Variants in NPSR1 observed in about 807,000 individuals in gnomAD.
NPSR1 encodes the protein neuropeptide S receptor 1.
A neutral mutation model predicts 46.9 loss-of-function variants in NPSR1; 48 were observed. The ratio of observed to expected loss-of-function variants is 1.02; its 90% CI spans 0.81 to 1.30. The LOEUF (loss-of-function observed/expected upper bound fraction) is 1.30, where lower values mean the gene tolerates loss of function less well. Ranked by LOEUF, NPSR1 falls within the 50% of genes most tolerant of loss-of-function variation. The probability of loss-of-function intolerance (pLI) is 0.00; values close to 1 mark genes in which losing one functional copy is unlikely to be tolerated. For missense variants in NPSR1, 450 were observed against 449.5 expected (o/e 1.00, Z -0.01); for synonymous variants, 176 against 168.1 (o/e 1.05, Z -0.36).
intron 2 of NPSR1, among the ~76,000 whole-genome samples, chr7:34,721,830 C>T (rs1783871490): frequency 6.6e-6 from 1 of 151,896 alleles, no homozygotes; most frequent in Admixed American, 6.6e-5. Flanking sequence ...GTTCCAGAAC[C>T]AATGGAGAGT....
At chr7:34,717,268 G>A (rs1310874679) in intron 2 of NPSR1, among the ~76,000 whole-genome samples, 1 of 152,140 alleles carries the variant, frequency 6.6e-6, no homozygotes, top group Admixed American at 6.5e-5. Flanking sequence ...GAGTAGCTTC[G>A]ATTACAGGCA....
chr7:34,725,106 CACACACACACACACACACAG>C (rs1339906954), intron 2 of NPSR1, among the ~76,000 whole-genome samples: 24 of 151,156 alleles, frequency 1.6e-4, no homozygotes, highest in African/African-American at 5.8e-4. Context: ...GACTCACACA[CACACACACACACACACACAG>C]ACACACACAC....
chr7:34,811,854 C>A lies in NPSR1; in HGVS notation c.469C>A (p.Leu157Ile), dbSNP rs755652890. The change falls in exon 4 of 9, where the codon CTT (leucine) becomes ATT (isoleucine). Residue 157 changes from leucine to isoleucine, a missense_variant. Physicochemically the swap from Leu to Ile is conservative, Grantham distance 5. Coordinates refer to ENST00000360581, the MANE Select transcript of NPSR1 (RefSeq NM_207172.2). ...TGCCATCGTCTACCCCATGAAGTTC[C>A]TTCAAGGAGGTGAGCTGGCTTTACC... ...YHAIVYPMKFLQGEKQARVLI... is the reference protein window; with the variant it reads ...YHAIVYPMKFIQGEKQARVLI... 1 of 1,612,558 alleles carries A rather than the reference C, an allele frequency of 6.2e-7. No individual in the cohort carries two copies. Among genetic ancestry groups the A allele is most frequent in the African/African-American group, 1.3e-5 (1 of 74,878 alleles).
intron 6 of NPSR1, among the ~76,000 whole-genome samples, chr7:34,843,427 C>G (rs1331739280): frequency 6.6e-6 from 1 of 152,170 alleles, no homozygotes; most frequent in Admixed American, 6.5e-5. Flanking sequence ...TCATAAGGGC[C>G]AAGCCCTGGT....
intron 2 of NPSR1, among the ~76,000 whole-genome samples, chr7:34,769,066 A>G (rs182117146): frequency 1.4e-4 from 21 of 152,230 alleles, no homozygotes; most frequent in Non-Finnish European, 2.8e-4. Context: ...GTTATTATTG[A>G]TGTGTTTGGA....
chr7:34,741,532 T>C (rs1412741182), intron 2 of NPSR1, among the ~76,000 whole-genome samples: 1 of 152,216 alleles, frequency 6.6e-6, no homozygotes. Context: ...GCTTTAAATA[T>C]TTTTTAGCAA....
chr7:34,707,172 A>C (rs371833784), intron 2 of NPSR1, among the ~76,000 whole-genome samples: 54 of 152,262 alleles, frequency 3.5e-4, no homozygotes, highest in African/African-American at 1.3e-3. Context: ...TTAAACCTTC[A>C]TTTTCTCATT....
chr7:34,751,712 G>C, intron 2 of NPSR1: 1 of 1,586,334 alleles, frequency 6.3e-7, no homozygotes, highest in Non-Finnish European at 8.7e-7. Context: ...AGCATTGTGG[G>C]AGACTCCTTC....
intron 2 of NPSR1, chr7:34,750,603 AT>A (rs1322619921): frequency 1.0e-5 from 7 of 684,900 alleles, no homozygotes; most frequent in Non-Finnish European, 1.9e-5. Flanking sequence ...TTTTGCTCAA[AT>A]TCATCTATTA....
intron 3 of NPSR1, 143 bp from the exon 4 acceptor site, chr7:34,811,627 G>C: frequency 1.8e-6 from 1 of 565,136 alleles, no homozygotes; most frequent in Non-Finnish European, 3.1e-6. Flanking sequence ...ATGTAAGAGA[G>C]TTATTTCCCT....
intron 2 of NPSR1, among the ~76,000 whole-genome samples, chr7:34,766,686 C>A (rs913058313): frequency 1.3e-5 from 2 of 152,042 alleles, no homozygotes; most frequent in Non-Finnish European, 2.9e-5. Flanking sequence ...CATTCTCCTG[C>A]CTCAGCCTCC....
chr7:34,739,401 T>C (rs1784830460), intron 2 of NPSR1, among the ~76,000 whole-genome samples: 1 of 152,176 alleles, frequency 6.6e-6, no homozygotes, highest in African/African-American at 2.4e-5. Flanking sequence ...TGCCAGCACT[T>C]GTTATTTTCC....
intron 2 of NPSR1, among the ~76,000 whole-genome samples, chr7:34,767,699 A>G (rs991658038): frequency 6.6e-6 from 1 of 152,190 alleles, no homozygotes; most frequent in Admixed American, 6.5e-5. Context: ...GGCAAAAGAA[A>G]TCTCTGAATG....
rs1253911460 is a variant in NPSR1 at position 34,670,679 on chromosome 7, A to G, written c.147+12120A>G. On this transcript the variant is annotated intron_variant, in intron 1 of 8. Transcript: ENST00000360581. Reference sequence around the variant, plus strand: ...TGTAAAGAGCCCTTGAGGGAAAATAAATAATATTTCTAATGGAAAAGTGGG... The same window carrying G: ...TGTAAAGAGCCCTTGAGGGAAAATAGATAATATTTCTAATGGAAAAGTGGG... Among the ~76,000 whole-genome samples, 4 of 151,900 alleles carry G rather than the reference A, an allele frequency of 2.6e-5. No homozygotes were observed. In the East Asian group the frequency reaches 7.7e-4, roughly 29 times the overall value.
chr7:34,851,906 C>T (rs531268320), downstream of NPSR1, among the ~76,000 whole-genome samples: 3 of 152,202 alleles, frequency 2.0e-5, no homozygotes, highest in South Asian at 6.2e-4. Flanking sequence ...GATAATCTAC[C>T]ATTTAAATGA....
rs150472807 is a variant in NPSR1, at chr7:34,677,351, T to C, written c.148-7201T>C. 1.1e-4 allele frequency among the ~76,000 whole-genome samples: 17 copies of C among 152,302 alleles called. No homozygotes were observed. The East Asian group carries it at 2.3e-3, about 21-fold the overall frequency. ...AGCAGACCATTTACTCACTTCAGCA[T>C]TGATTTTCTGGAAACATGGCCTGCC... On this transcript the variant is annotated intron_variant, in intron 1 of 8. Transcript: ENST00000360581.
intron 2 of NPSR1, among the ~76,000 whole-genome samples, chr7:34,709,658 TATTGA>T (rs1358295087): frequency 2.6e-5 from 4 of 152,220 alleles, no homozygotes; most frequent in Admixed American, 1.3e-4. Context: ...CTTACTTATT[TATTGA>T]ATTTACCACT....
intron 2 of NPSR1, among the ~76,000 whole-genome samples, chr7:34,690,824 G>T (rs1487261362): frequency 6.6e-6 from 1 of 152,118 alleles, no homozygotes; most frequent in African/African-American, 2.4e-5. Context: ...ATTCAGAAAA[G>T]CTTCTTTGGT....
At chr7:34,664,806 T>G (rs527946335) in intron 1 of NPSR1, among the ~76,000 whole-genome samples, 2 of 152,286 alleles carry the variant, frequency 1.3e-5, no homozygotes, top group Non-Finnish European at 2.9e-5. Flanking sequence ...AGAAATGGCT[T>G]CTTCTCTGCT....
Sources: allele counts gnomAD v4.1 joint callset (sites outside exome capture counted in the v4.1 genomes callset), GRCh38; gene constraint gnomAD v4.1.1; transcripts MANE v1.5; gene names NCBI Gene and HGNC (gene_info 2026-07-23, HGNC 2026-07-21).